The following TENM3 variants were observed in gnomAD, a reference collection of about 807,000 sequenced individuals.
TENM3 encodes the protein teneurin transmembrane protein 3, also known as teneurin-3.
In TENM3, 63 loss-of-function variants were observed where a neutral mutation model predicts 255.1. That is an observed-to-expected ratio of 0.25 (90% CI 0.20 to 0.30). The LOEUF is 0.30. Ranked by LOEUF, TENM3 falls within the 10% of genes least tolerant of loss-of-function variation. The probability of loss-of-function intolerance (pLI) is 1.00; values close to 1 mark genes in which losing one functional copy is unlikely to be tolerated. For missense variants in TENM3, 2,929 were observed against 3,461.1 expected (o/e 0.85, Z 3.86); for synonymous variants, 1,306 against 1,322.3 (o/e 0.99, Z 0.27).
intron 18 of TENM3, among the ~76,000 whole-genome samples, chr4:182,740,720 A>G (rs1434858970): frequency 6.6e-6 from 1 of 152,252 alleles, no homozygotes; most frequent in African/African-American, 2.4e-5. Context: ...TATTATATTC[A>G]GGAGGATTCA....
chr4:182,710,996 A>G (rs973360505), intron 12 of TENM3, among the ~76,000 whole-genome samples: 6 of 152,160 alleles, frequency 3.9e-5, no homozygotes, highest in African/African-American at 1.2e-4. Flanking sequence ...AATAAACAGG[A>G]TCTTAGAATA....
At chr4:182,258,623 T>C (rs1290245448) in intron 1 of TENM3, among the ~76,000 whole-genome samples, 1 of 152,344 alleles carries the variant, frequency 6.6e-6, no homozygotes, top group East Asian at 1.9e-4. Context: ...AATAAGATAT[T>C]TTCATTGCTT....
At position 182,263,104 on chromosome 4, in the gene TENM3, C is replaced by G. The variant is rs540147302; in HGVS notation, c.-76+19628C>G. ...CCTTTCCTGTATCATATTTCTCTGT[C>G]CTGTAACATAATGTCTGGCGACCGC... On this transcript the variant is annotated intron_variant, in intron 1 of 27. Coordinates refer to ENST00000511685, the MANE Select transcript of TENM3 (RefSeq NM_001080477.4). 3.3e-5 allele frequency among the ~76,000 whole-genome samples: 5 copies of G among 152,184 alleles called. No individual in the cohort carries two copies. In the South Asian group the frequency reaches 1.0e-3, roughly 32 times the overall value.
intron 4 of TENM3, among the ~76,000 whole-genome samples, chr4:182,604,038 T>C (rs80000830): frequency 0.01 from 1,587 of 152,280 alleles, 35 homozygotes; most frequent in African/African-American, 0.036. Context: ...ATAAAAGGAT[T>C]TTCTACTTTG....
the TENM3 span, among the ~76,000 whole-genome samples, chr4:181,834,495 G>T: frequency 6.6e-6 from 1 of 152,230 alleles, no homozygotes; most frequent in Non-Finnish European, 1.5e-5. Flanking sequence ...GTGTGTCTGG[G>T]CTCATAGGCG....
chr4:182,340,822 A>G (rs1378381400), intron 2 of TENM3, among the ~76,000 whole-genome samples: 2 of 152,208 alleles, frequency 1.3e-5, no homozygotes, highest in Non-Finnish European at 2.9e-5. Flanking sequence ...CTGATGGAGG[A>G]GAGTCACTCC....
the TENM3 span, among the ~76,000 whole-genome samples, chr4:181,615,613 C>T: frequency 3.1e-4 from 47 of 152,192 alleles, no homozygotes; most frequent in African/African-American, 1.1e-3. Context: ...TAGTAACTCC[C>T]AGCAGCTCAA....
At chr4:182,058,982 T>TGTGTGTGTGTGTGTGTGTGTG in the TENM3 span, among the ~76,000 whole-genome samples, 4 of 67,648 alleles carry the variant, frequency 5.9e-5, no homozygotes, top group Non-Finnish European at 6.2e-5. Context: ...GTGTGTGTGT[T>TGTGTGTGTGTGTGTGTGTGTG]TGTGGCAAGC....
At chr4:182,577,886 T>C (rs1013154260) in intron 3 of TENM3, among the ~76,000 whole-genome samples, 1 of 152,216 alleles carries the variant, frequency 6.6e-6, no homozygotes, top group Admixed American at 6.5e-5. Flanking sequence ...ATCTAATTTA[T>C]TGCCTTCCCT....
In TENM3 at chr4:182,641,356, G is replaced by A. The variant is rs1252630322; in HGVS notation, c.989-12415G>A. Among the ~76,000 whole-genome samples the A allele has an allele frequency of 4.6e-5, 7 of 152,208 alleles. No individual in the cohort carries two copies. The East Asian group carries it at 1.4e-3, about 29-fold the overall frequency. ...AAGGATCTCCATATTTCAATAGTTG[G>A]ATCTTTCAGTAATGGTGATTACAAT... On this transcript the variant is annotated intron_variant, in intron 5 of 27. Coordinates refer to ENST00000511685, the MANE Select transcript of TENM3 (RefSeq NM_001080477.4).
the TENM3 span, among the ~76,000 whole-genome samples, chr4:182,037,145 C>CTTTTTTTTTTTTTTTTTT: frequency 1.1e-4 from 13 of 114,926 alleles, no homozygotes; most frequent in African/African-American, 3.2e-4. Context: ...ATCCAAACTC[C>CTTTTTTTTTTTTTTTTTT]TTTTATTTTT....
In TENM3 at chr4:182,679,885, A is replaced by G. The variant is rs776325655; in HGVS notation, c.1537+9A>G. ...TAATACCATTGTTATAGGTAAGAATAGTCTTCAAAGCAGCATTTTCCAGGC... is the reference window on the plus strand; with the variant it reads ...TAATACCATTGTTATAGGTAAGAATGGTCTTCAAAGCAGCATTTTCCAGGC... On this transcript the variant is annotated intron_variant, in intron 8 of 27. Transcript: ENST00000511685. 7 of 1,593,948 alleles carry G rather than the reference A, an allele frequency of 4.4e-6. No homozygotes were observed. The highest frequency in any genetic ancestry group is 6.0e-6 in the Non-Finnish European group (7 of 1,168,116).
the TENM3 span, among the ~76,000 whole-genome samples, chr4:181,564,350 G>GT: frequency 6.6e-6 from 1 of 152,146 alleles, no homozygotes; most frequent in African/African-American, 2.4e-5. Flanking sequence ...AGCGGGCACT[G>GT]TTTTTTGCCT....
intron 22 of TENM3, among the ~76,000 whole-genome samples, chr4:182,763,102 C>T (rs1195079251): frequency 2.0e-5 from 3 of 150,836 alleles, no homozygotes; most frequent in Admixed American, 6.6e-5. Context: ...AGTGTAGGTC[C>T]GATATAACTT....
At chr4:181,925,315 A>T in the TENM3 span, among the ~76,000 whole-genome samples, 518 of 152,360 alleles carry the variant, frequency 3.4e-3, 1 homozygote, top group African/African-American at 0.012. Flanking sequence ...CTTATAGGTT[A>T]TTGTAAATGC....
In TENM3 at chr4:182,753,594, A is replaced by C; in HGVS notation, c.4007A>C (p.His1336Pro). The part of the protein sequence containing the change: ...ARPLTCDTSM[H>P]ISQVRLEWPT... ...CCTTTAACTTGTGACACCAGCATGCACATCAGCCAGGTAGTTAAATACTAA... is the reference window on the plus strand; with the variant it reads ...CCTTTAACTTGTGACACCAGCATGCCCATCAGCCAGGTAGTTAAATACTAA... The change falls in exon 21 of 28, where the codon CAC becomes CCC. Residue 1336 changes from histidine to proline, a missense_variant. His to Pro is a moderately conservative substitution (Grantham distance 77). Coordinates refer to ENST00000511685, the MANE Select transcript of TENM3 (RefSeq NM_001080477.4). 1 of 1,613,690 alleles carries C rather than the reference A, an allele frequency of 6.2e-7. No individual in the cohort carries two copies. The highest frequency in any genetic ancestry group is 1.7e-5 in the Admixed American group (1 of 59,986).
chr4:181,457,757 C>A, the TENM3 span, among the ~76,000 whole-genome samples: 11 of 151,814 alleles, frequency 7.2e-5, no homozygotes, highest in Admixed American at 7.2e-4. Context: ...AAGAGGAATA[C>A]AATTGAATTT....
At chr4:182,785,756 C>G (rs1044341830) in intron 24 of TENM3, among the ~76,000 whole-genome samples, 7 of 138,146 alleles carry the variant, frequency 5.1e-5, no homozygotes, top group African/African-American at 1.7e-4. Flanking sequence ...TGGAATAATG[C>G]TGGTACTTTA....
chr4:181,739,545 C>T, the TENM3 span, among the ~76,000 whole-genome samples: 3 of 152,144 alleles, frequency 2.0e-5, no homozygotes, highest in Non-Finnish European at 4.4e-5. Flanking sequence ...GCCTGCAAGT[C>T]CCACCTCTCA....
Sources: gnomAD v4.1 joint callset for allele counts (sites outside exome capture counted in the v4.1 genomes callset) on GRCh38, gnomAD v4.1.1 for gene constraint, MANE v1.5 for transcripts, NCBI Gene and HGNC (gene_info 2026-07-23, HGNC 2026-07-21) for gene names.